ZDBF2: variants seen among roughly 807,000 people sequenced by gnomAD.
The protein encoded by ZDBF2 is DBF4-type zinc finger-containing protein 2.
In ZDBF2, 6 loss-of-function variants were observed where a neutral mutation model predicts 9.4. The observed-to-expected ratio is 0.64, with a 90% CI of 0.35 to 1.27. The LOEUF (loss-of-function observed/expected upper bound fraction) is 1.27. Among genes scored for constraint, ZDBF2 ranks in the 50% most tolerant of loss-of-function variants. The pLI is 0.03. For missense variants in ZDBF2, 2,697 were observed against 2,766.8 expected (o/e 0.97, Z 0.57); for synonymous variants, 905 against 946.3 (o/e 0.96, Z 0.80).
rs989278546 is a variant in ZDBF2 at position 206,313,779 on chromosome 2, G to A, written c.*2186G>A. 2 of 152,200 alleles carry A rather than the reference G, an allele frequency of 1.3e-5. No homozygotes were observed. The highest frequency in any genetic ancestry group is 3.9e-4 in the East Asian group (2 of 5,188). The allele number at this position is 152,200 out of a possible 1,614,324, so 9.4% of individuals were successfully genotyped here. A position where few individuals can be genotyped will look rare whatever the true frequency, so the allele number is the denominator to read the frequency against. On this transcript the variant is annotated 3_prime_UTR_variant, in exon 5 of 5. Transcript: ENST00000374423. Reference sequence around the variant, plus strand: ...AGCCCTTCTAAGTACCATTTTCATTGGGGGCAGGGAGAAGGTTTATATTTA... The same window carrying A: ...AGCCCTTCTAAGTACCATTTTCATTAGGGGCAGGGAGAAGGTTTATATTTA...
In ZDBF2 at chr2:206,311,520, C is replaced by T; in HGVS notation, c.6992C>T (p.Ser2331Leu). Residue 2331 changes from serine to leucine, a missense_variant, in exon 5 of 5, where the codon TCA becomes TTA. Around this residue, in one of 3 missense-constraint regions of ZDBF2, gnomAD observed 1,783 missense variants for 1,776.5 expected, o/e 1.00. Coordinates refer to ENST00000374423, the MANE Select transcript of ZDBF2 (RefSeq NM_020923.3). ...GTGAGAGCATATGATCTGAGAAGCTCATCTTGTTTACAACAACGTGAGAGA... is the reference window on the plus strand; with the variant it reads ...GTGAGAGCATATGATCTGAGAAGCTTATCTTGTTTACAACAACGTGAGAGA... ...TPVRAYDLRS[S>L]SCLQQRERMM... 1 of 1,572,198 alleles carries T rather than the reference C, an allele frequency of 6.4e-7. No individual in the cohort carries two copies. The highest frequency in any genetic ancestry group is 8.6e-7 in the Non-Finnish European group (1 of 1,163,752).
At chr2:206,275,279 G>A (rs1031604308) in intron 1 of ZDBF2, among the ~76,000 whole-genome samples, 4 of 151,916 alleles carry the variant, frequency 2.6e-5, no homozygotes, top group African/African-American at 9.7e-5. Context: ...GGCGGTCTGC[G>A]GGGTCGGATT....
intron 1 of ZDBF2, among the ~76,000 whole-genome samples, chr2:206,276,694 T>A (rs1289614856): frequency 1.3e-5 from 2 of 152,252 alleles, no homozygotes; most frequent in Non-Finnish European, 2.9e-5. Flanking sequence ...TCTCTCAACC[T>A]CAGTTCCCTG....
chr2:206,297,265 A>C lies in ZDBF2; in HGVS notation c.80A>C (p.His27Pro). The C allele has an allele frequency of 6.9e-7, 1 of 1,447,972 alleles. No homozygotes were observed. The highest frequency in any genetic ancestry group is 9.7e-7 in the Non-Finnish European group (1 of 1,028,544). The allele number at this position is 1,447,972 out of a possible 1,614,324, so 89.7% of individuals were successfully genotyped here. Residue 27 changes from histidine to proline, a missense_variant, in exon 4 of 5, where the codon CAC (histidine) becomes CCC (proline). Physicochemically the swap from His to Pro is moderately conservative, Grantham distance 77. This residue lies in a region of ZDBF2 where 910 missense variants were observed against 973.6 expected (regional missense o/e 0.93). Transcript: ENST00000374423. ...TTATAGCATTTGTTCAGTGCTCAGC[A>C]CAGGAGTTTGACCAGACAGAGTAGA... is the stretch of plus-strand genomic sequence containing the variant. ...NLEQHLFSAQ[H>P]RSLTRQSRRQ... is the part of the protein sequence containing the mutation.
intron 3 of ZDBF2, among the ~76,000 whole-genome samples, chr2:206,293,974 CA>C (rs1559139963): frequency 6.6e-6 from 1 of 151,796 alleles, no homozygotes; most frequent in Non-Finnish European, 1.5e-5. Flanking sequence ...TAGTAATAGC[CA>C]AAAGCTAGAA....
chr2:206,307,700 C>T lies in ZDBF2; in HGVS notation c.3172C>T (p.Leu1058=), dbSNP rs367793801. ...TCAGTCAATGACTGACCAACCTCAA[C>T]TAGCTTTTTTGAAGGAAAAACATGT... is the stretch of plus-strand genomic sequence containing the variant. ...PPQSMTDQPQ[L]AFLKEKHVNL... Residue 1058 remains leucine, a synonymous_variant, in exon 5 of 5, where the codon CTA becomes TTA. Coordinates refer to ENST00000374423, the MANE Select transcript of ZDBF2 (RefSeq NM_020923.3). 67 of 1,613,394 alleles carry T rather than the reference C, an allele frequency of 4.2e-5. No individual in the cohort carries two copies. The highest frequency in any genetic ancestry group is 5.7e-5 in the Non-Finnish European group (67 of 1,179,730).
chr2:206,314,149 G>A lies in ZDBF2; in HGVS notation c.*2556G>A, dbSNP rs1231507840. On this transcript the variant is annotated 3_prime_UTR_variant, in exon 5 of 5. Transcript: ENST00000374423. ...ATCTTGTTCTTGTTCAGTATTTTGC[G>A]TAGATTTTTATTGTAATTGTCCTGA... is the stretch of plus-strand genomic sequence containing the variant. 1.3e-5 allele frequency: 2 copies of A among 151,642 alleles called. No homozygotes were observed. The highest frequency in any genetic ancestry group is 2.9e-5 in the Non-Finnish European group (2 of 67,920). The allele number at this position is 151,642 out of a possible 1,614,324, so 9.4% of individuals were successfully genotyped here.
chr2:206,304,821 AG>A lies in ZDBF2; in HGVS notation c.295del (p.Asp99MetfsTer61). 2 of 1,613,738 alleles carry A rather than the reference AG, an allele frequency of 1.2e-6. No individual in the cohort carries two copies. Among genetic ancestry groups the A allele is most frequent in the Non-Finnish European group, 1.7e-6 (2 of 1,179,772 alleles). On this transcript the variant is annotated frameshift_variant, in exon 5 of 5. Transcript: ENST00000374423. LOFTEE classifies it low-confidence loss of function (END_TRUNC). ...GAGGAAGAGGATGAGGATAAGGTTG[AG>A]GATGAGGATGCTACCGAAGAGAGAC... ...EEEEEDEDKV[E>X]DEDATEERPS...
At chr2:206,297,207 T>C (rs1692228420) in intron 3 of ZDBF2, 39 bp from the exon 4 acceptor site, 1 of 880,842 alleles carries the variant, frequency 1.1e-6, no homozygotes, top group Admixed American at 2.0e-5. Flanking sequence ...TACTGAATAC[T>C]GTCCATTTAA....
chr2:206,308,748 AT>A lies in ZDBF2; in HGVS notation c.4224del (p.Phe1408LeufsTer3). On this transcript the variant is annotated frameshift_variant, in exon 5 of 5. Transcript: ENST00000374423. LOFTEE classifies it low-confidence loss of function (END_TRUNC). Reference protein sequence around the residue: ...YLEDKSYKLGDFDVSYASHIP... With the variant: ...YLEDKSYKLGXFDVSYASHIP... ...GAAGATAAGAGCTATAAATTAGGTG[AT>A]TTTGATGTAAGTTATGCTTCTCATA... The A allele has an allele frequency of 6.2e-7, 1 of 1,613,546 alleles. No individual in the cohort carries two copies. Among genetic ancestry groups the A allele is most frequent in the Non-Finnish European group, 8.5e-7 (1 of 1,179,792 alleles).
At position 206,310,958 on chromosome 2, in the gene ZDBF2, A is replaced by G. The variant is rs1476318288; in HGVS notation, c.6430A>G (p.Arg2144Gly). ...VLHARELPKK[R>G]NFQLTFLNHD... ...GCATGCTCGTGAGCTTCCAAAGAAAAGAAATTTCCAGCTAACATTTTTAAA... is the reference window on the plus strand; with the variant it reads ...GCATGCTCGTGAGCTTCCAAAGAAAGGAAATTTCCAGCTAACATTTTTAAA... Residue 2144 changes from arginine (R) to glycine (G), a missense_variant, in exon 5 of 5, where the codon AGA (arginine) becomes GGA (glycine). Around this residue, in one of 3 missense-constraint regions of ZDBF2, gnomAD observed 1,783 missense variants for 1,776.5 expected, o/e 1.00. Coordinates refer to ENST00000374423, the MANE Select transcript of ZDBF2 (RefSeq NM_020923.3). The G allele has an allele frequency of 2.5e-6, 4 of 1,613,778 alleles. No individual in the cohort carries two copies. The highest frequency in any genetic ancestry group is 2.5e-6 in the Non-Finnish European group (3 of 1,179,850).
chr2:206,296,026 CTT>C (rs1186255463), intron 3 of ZDBF2, among the ~76,000 whole-genome samples: 1 of 152,062 alleles, frequency 6.6e-6, no homozygotes, highest in African/African-American at 2.4e-5. Context: ...TGTTCTCTCT[CTT>C]AACAGATTTT....
rs144743110 is a variant in ZDBF2 at position 206,304,700 on chromosome 2, C to T, written c.189-17C>T. Reference sequence around the variant, plus strand: ...GACATTAGAATATGTTTATGAGTTTCCCCCCTTTCGTTTTAGTTCAACACA... The same window carrying T: ...GACATTAGAATATGTTTATGAGTTTTCCCCCTTTCGTTTTAGTTCAACACA... On this transcript the variant is annotated splice_polypyrimidine_tract_variant and intron_variant, in intron 4 of 4. Transcript: ENST00000374423. 4.3e-4 allele frequency: 677 copies of T among 1,581,976 alleles called. 2 individuals are homozygous for T. In the African/African-American group the frequency reaches 8.4e-3, roughly 20 times the overall value.
intron 4 of ZDBF2, among the ~76,000 whole-genome samples, chr2:206,301,611 C>T (rs1437604264): frequency 6.6e-6 from 1 of 151,946 alleles, no homozygotes; most frequent in Admixed American, 6.6e-5. Flanking sequence ...AATCCCATGC[C>T]AATAGTACAT....
chr2:206,310,725 T>C lies in ZDBF2; in HGVS notation c.6197T>C (p.Leu2066Pro), dbSNP rs537764585. 1.9e-6 allele frequency: 3 copies of C among 1,613,606 alleles called. No individual in the cohort carries two copies. Among genetic ancestry groups the C allele is most frequent in the Non-Finnish European group, 2.5e-6 (3 of 1,179,872 alleles). Reference sequence around the variant, plus strand: ...AAGCAAATTGTAATTAGTCCTCCCCTGAGTGTAATAGTACCAGAGTTTGAG... The same window carrying C: ...AAGCAAATTGTAATTAGTCCTCCCCCGAGTGTAATAGTACCAGAGTTTGAG... The part of the protein sequence containing the change: ...LIKQIVISPP[L>P]SVIVPEFERR... The change falls in exon 5 of 5, where the codon CTG becomes CCG. Residue 2066 changes from leucine to proline, a missense_variant. Transcript: ENST00000374423.
In ZDBF2 at chr2:206,310,609, C is replaced by T. The variant is rs777922196; in HGVS notation, c.6081C>T (p.Phe2027=). ...IKLKEGEGLP[F]PKMRHHSWDN... ...TGAAAGAGGGTGAAGGCCTTCCTTT[C>T]CCTAAAATGAGGCACCATAGTTGGG... The change falls in exon 5 of 5, where the codon TTC becomes TTT. Residue 2027 remains phenylalanine, a synonymous_variant. Transcript: ENST00000374423. The T allele has an allele frequency of 1.5e-5, 24 of 1,609,862 alleles. No homozygotes were observed. Among genetic ancestry groups the T allele is most frequent in the Non-Finnish European group, 2.0e-5 (24 of 1,177,678 alleles).
Position 206,309,980 on chromosome 2 carries a change from G to A in ZDBF2, c.5452G>A (p.Glu1818Lys). The A allele has an allele frequency of 1.9e-6, 3 of 1,613,148 alleles. No homozygotes were observed. In the African/African-American group the frequency reaches 4.0e-5, roughly 22 times the overall value. Reference sequence around the variant, plus strand: ...GGATAATCCTGATGAACCAGTTCTTGAAGCCTTGCCTCATGTACCTCCTTC... The same window carrying A: ...GGATAATCCTGATGAACCAGTTCTTAAAGCCTTGCCTCATGTACCTCCTTC... ...IEDNPDEPVL[E>K]ALPHVPPSFV... The change falls in exon 5 of 5, where the codon GAA (glutamate) becomes AAA (lysine). Residue 1818 changes from glutamate to lysine, a missense_variant. By Grantham distance (56) the Glu-to-Lys change is moderately conservative (BLOSUM62 1). This residue lies in a region of ZDBF2 where 1,783 missense variants were observed against 1,776.5 expected (regional missense o/e 1.00). Coordinates refer to ENST00000374423, the MANE Select transcript of ZDBF2 (RefSeq NM_020923.3).
chr2:206,293,506 G>A (rs2105922480), intron 3 of ZDBF2, among the ~76,000 whole-genome samples: 1 of 152,276 alleles, frequency 6.6e-6, no homozygotes, highest in East Asian at 1.9e-4. Context: ...GCTGCAGAGA[G>A]GAAGATGGTA....
intron 1 of ZDBF2, among the ~76,000 whole-genome samples, chr2:206,275,187 C>T (rs1690920111): frequency 6.6e-6 from 1 of 152,140 alleles, no homozygotes; most frequent in South Asian, 2.1e-4. Context: ...GGAGGTGGGG[C>T]GCAGGCTGCA....
Sources: allele counts gnomAD v4.1 joint callset (sites outside exome capture counted in the v4.1 genomes callset), GRCh38; gene constraint gnomAD v4.1.1; regional missense constraint gnomAD v4.1.1; transcripts MANE v1.5; gene names NCBI Gene and HGNC (gene_info 2026-07-23, HGNC 2026-07-21).